DTNB: variants seen among roughly 807,000 people sequenced by gnomAD.
DTNB encodes the protein dystrobrevin beta, also known as DTN-B.
A neutral mutation model predicts 90.7 loss-of-function variants in DTNB; 63 were observed. That is an observed-to-expected ratio of 0.69 (90% confidence interval 0.57 to 0.86). DTNB has a LOEUF of 0.86. Ranked by LOEUF, DTNB falls within the 40% of genes least tolerant of loss-of-function variation. The pLI, the probability that DTNB is intolerant of heterozygous loss-of-function variation, is 0.00. For missense variants in DTNB, 744 were observed against 807.1 expected (o/e 0.92, Z 0.95); for synonymous variants, 277 against 286.7 (o/e 0.97, Z 0.34).
chr2:25,640,630 C>G (rs1377805410), intron 2 of DTNB, among the ~76,000 whole-genome samples: 1 of 152,116 alleles, frequency 6.6e-6, no homozygotes, highest in African/African-American at 2.4e-5. Flanking sequence ...AATTCAAAGT[C>G]CAGATGCAGT....
chr2:25,451,849 G>A (rs1419278012), intron 11 of DTNB, among the ~76,000 whole-genome samples: 2 of 152,162 alleles, frequency 1.3e-5, no homozygotes, highest in African/African-American at 4.8e-5. Context: ...GCACATCCCC[G>A]CTGCTCCTCC....
chr2:25,591,817 T>C (rs1374945915), intron 6 of DTNB, among the ~76,000 whole-genome samples: 2 of 152,006 alleles, frequency 1.3e-5, no homozygotes, highest in East Asian at 3.9e-4. Flanking sequence ...TCCCAGCACT[T>C]TGGGTGGCTG....
At chr2:25,619,498 T>C (rs2071822957) in intron 4 of DTNB, among the ~76,000 whole-genome samples, 1 of 152,212 alleles carries the variant, frequency 6.6e-6, no homozygotes, top group South Asian at 2.1e-4. Context: ...ACAATCAGAA[T>C]GCCTGCTGCT....
chr2:25,388,805 C>CGTGTGTGTGTGTGTGTGTGTGT (rs112323714), intron 16 of DTNB, among the ~76,000 whole-genome samples: 52 of 149,258 alleles, frequency 3.5e-4, no homozygotes, highest in African/African-American at 1.2e-3. Flanking sequence ...AAAGGACATA[C>CGTGTGTGTGTGTGTGTGTGTGT]GTGTGTGTGT....
intron 8 of DTNB, among the ~76,000 whole-genome samples, chr2:25,573,192 C>T (rs2060145128): frequency 1.3e-5 from 2 of 151,772 alleles, no homozygotes; most frequent in South Asian, 2.1e-4. Flanking sequence ...GATATCTGCC[C>T]GCCTTGGCCT....
At chr2:25,534,867 A>G (rs2079073188) in intron 8 of DTNB, among the ~76,000 whole-genome samples, 1 of 147,940 alleles carries the variant, frequency 6.8e-6, no homozygotes, top group African/African-American at 2.5e-5. Flanking sequence ...GCGGCTGGGC[A>G]GAGGCGCTCC....
intron 10 of DTNB, among the ~76,000 whole-genome samples, chr2:25,460,558 A>T (rs2060772630): frequency 1.3e-5 from 2 of 152,070 alleles, no homozygotes; most frequent in African/African-American, 4.8e-5. Context: ...CCAAGAAGAA[A>T]TGAGAAAAAC....
At chr2:25,627,926 C>G (rs566248737) in intron 4 of DTNB, among the ~76,000 whole-genome samples, 26 of 151,982 alleles carry the variant, frequency 1.7e-4, no homozygotes, top group Middle Eastern at 3.4e-3. Flanking sequence ...TTAGTAGAGA[C>G]GGGGTTTCAC....
intron 9 of DTNB, among the ~76,000 whole-genome samples, chr2:25,485,505 A>T (rs1405018966): frequency 6.6e-6 from 1 of 152,226 alleles, no homozygotes; most frequent in African/African-American, 2.4e-5. Flanking sequence ...ATGTTCAACC[A>T]TTATAGCACA....
chr2:25,477,598 C>G (rs1210381083), intron 10 of DTNB, among the ~76,000 whole-genome samples: 1 of 152,058 alleles, frequency 6.6e-6, no homozygotes, highest in Non-Finnish European at 1.5e-5. Flanking sequence ...TCATCAACAA[C>G]TGAACAAAAC....
At chr2:25,544,071 T>A (rs932505325) in intron 8 of DTNB, among the ~76,000 whole-genome samples, 1 of 152,184 alleles carries the variant, frequency 6.6e-6, no homozygotes, top group African/African-American at 2.4e-5. Context: ...GCCACGGCAG[T>A]GAGGCATTCT....
Position 25,607,552 on chromosome 2 carries a change from A to G in DTNB, c.363-231T>C, listed in dbSNP as rs185257827. On this transcript the variant is annotated intron_variant, in intron 4 of 20. Transcript: ENST00000406818. Reference sequence around the variant, plus strand: ...TGAATTTTCTGGAAGTTTTAGAAACATTCTATGTAATTTCTGTTGGCTATG... The same window carrying G: ...TGAATTTTCTGGAAGTTTTAGAAACGTTCTATGTAATTTCTGTTGGCTATG... Among the ~76,000 whole-genome samples the G allele has an allele frequency of 2.0e-5, 3 of 152,248 alleles. No individual in the cohort carries two copies. The East Asian group carries it at 5.8e-4, about 29-fold the overall frequency.
intron 10 of DTNB, among the ~76,000 whole-genome samples, chr2:25,478,059 T>A (rs1284148526): frequency 6.6e-6 from 1 of 151,822 alleles, no homozygotes; most frequent in Non-Finnish European, 1.5e-5. Flanking sequence ...GTCATTTTAG[T>A]GGTGTTTCAG....
chr2:25,521,318 T>C (rs2150798014), intron 9 of DTNB, among the ~76,000 whole-genome samples: 1 of 152,160 alleles, frequency 6.6e-6, no homozygotes, highest in East Asian at 1.9e-4. Flanking sequence ...ATGACTCAAT[T>C]CTGCCACTGG....
intron 9 of DTNB, among the ~76,000 whole-genome samples, chr2:25,526,422 T>TTTC (rs2077205610): frequency 7.3e-6 from 1 of 137,568 alleles, no homozygotes; most frequent in African/African-American, 2.8e-5. Context: ...TGAGACAGAG[T>TTTC]TTCACCCTTG....
At chr2:25,382,137 C>T (rs534032471) in intron 19 of DTNB, among the ~76,000 whole-genome samples, 5 of 152,362 alleles carry the variant, frequency 3.3e-5, no homozygotes, top group Admixed American at 2.0e-4. Flanking sequence ...CAGAATTCCT[C>T]CCTGGGAGGG....
At chr2:25,421,219 A>C (rs1471179960) in intron 15 of DTNB, 1 of 152,228 alleles carries the variant, frequency 6.6e-6, no homozygotes, top group East Asian at 1.9e-4. Flanking sequence ...TACGAAAGGG[A>C]GAGGGTGAGT....
chr2:25,427,562 C>G lies in DTNB; in HGVS notation c.1527G>C (p.Gln509His), dbSNP rs1489583864. The G allele has an allele frequency of 6.2e-7, 1 of 1,613,858 alleles. No individual in the cohort carries two copies. The highest frequency in any genetic ancestry group is 1.3e-5 in the African/African-American group (1 of 75,048). ...TCAGCAACTTCATCAGCTCTTCCAG[C>G]TGGACCATCAGCTCCCGCCTGCTCT... is the stretch of plus-strand genomic sequence containing the variant. ...LQESRRELMVQLEELMKLLKE... is the reference protein window; with the variant it reads ...LQESRRELMVHLEELMKLLKE... The change falls in exon 15 of 21, where the codon CAG becomes CAC. Residue 509 changes from glutamine to histidine, a missense_variant. Physicochemically the swap from Gln to His is conservative, Grantham distance 24. Coordinates refer to ENST00000406818, the MANE Select transcript of DTNB (RefSeq NM_021907.5).
chr2:25,649,919 G>T (rs773249455), intron 2 of DTNB: 5 of 687,190 alleles, frequency 7.3e-6, no homozygotes, highest in Non-Finnish European at 9.0e-6. Context: ...TCTGGTTGAC[G>T]TTGCTGGAAA....
Sources: gnomAD v4.1 joint callset for allele counts (sites outside exome capture counted in the v4.1 genomes callset) on GRCh38, gnomAD v4.1.1 for gene constraint, MANE v1.5 for transcripts, NCBI Gene and HGNC (gene_info 2026-07-23, HGNC 2026-07-21) for gene names.